Variants in ATP8A2 observed in about 807,000 individuals in gnomAD.
ATP8A2 encodes ATPase phospholipid transporting 8A2.
Under a neutral mutation model 165.6 loss-of-function variants are expected in ATP8A2, and 100 were observed. The ratio of observed to expected loss-of-function variants is 0.60; its 90% CI spans 0.51 to 0.71. ATP8A2 has a LOEUF of 0.71. ATP8A2 is among the 30% of genes least tolerant of loss of function. The probability of loss-of-function intolerance (pLI) is 0.00; values close to 1 mark genes in which losing one functional copy is unlikely to be tolerated. For missense variants in ATP8A2, 1,227 were observed against 1,479.5 expected (o/e 0.83, Z 2.80); for synonymous variants, 543 against 548.8 (o/e 0.99, Z 0.15).
At chr13:25,839,714 G>A in intron 30 of ATP8A2, 90 bp downstream of exon 30, 1 of 1,025,026 alleles carries the variant, frequency 9.8e-7, no homozygotes, top group Non-Finnish European at 1.5e-6. Flanking sequence ...CAGTTCTGCA[G>A]AACAAGAGAT....
At position 25,578,683 on chromosome 13, in the gene ATP8A2, A is replaced by G. The variant is rs112975122; in HGVS notation, c.1783-132A>G. On this transcript the variant is annotated intron_variant, in intron 20 of 36. Transcript: ENST00000381655. ...AAAGCTCATGCCTGAGCCCAGCCAAATGCTAAATTCCTACTTACCCACTCG... is the reference window on the plus strand; with the variant it reads ...AAAGCTCATGCCTGAGCCCAGCCAAGTGCTAAATTCCTACTTACCCACTCG... 2.3e-3 allele frequency: 1,572 copies of G among 692,658 alleles called. 22 individuals carry two copies. In the African/African-American group the frequency reaches 0.025, roughly 11 times the overall value. The allele number at this position is 692,658 out of a possible 1,614,324, so 42.9% of individuals were successfully genotyped here. A position where few individuals can be genotyped will look rare whatever the true frequency, so the allele number is the denominator to read the frequency against.
In ATP8A2 at chr13:25,558,966, G is replaced by C; in HGVS notation, c.1264-7G>C. On this transcript the variant is annotated splice_polypyrimidine_tract_variant and splice_region_variant and intron_variant, in intron 13 of 36. Transcript: ENST00000381655. ...CTGATGTATATTTCTTTTATTCTTT[G>C]GTTTAGGTGAAATATCTCTTTTCTG... 1 of 1,573,672 alleles carries C rather than the reference G, an allele frequency of 6.4e-7. No homozygotes were observed. The highest frequency in any genetic ancestry group is 8.7e-7 in the Non-Finnish European group (1 of 1,149,984).
At chr13:25,759,427 C>G (rs1460388930) in intron 25 of ATP8A2, among the ~76,000 whole-genome samples, 2 of 152,170 alleles carry the variant, frequency 1.3e-5, no homozygotes, top group Non-Finnish European at 2.9e-5. Flanking sequence ...TCTCAGCTTT[C>G]CTCTCAGTTC....
Position 26,023,271 on chromosome 13 carries a change from G to A in ATP8A2, c.*3286G>A, listed in dbSNP as rs1593732759. ...AAAAACATGGTAACTCTTTTGGTTC[G>A]GCACACCATACAAAACGTGCTTTGG... On this transcript the variant is annotated 3_prime_UTR_variant, in exon 37 of 37. Transcript: ENST00000381655. The A allele has an allele frequency of 6.6e-6, 1 of 152,104 alleles. No individual in the cohort carries two copies. Among genetic ancestry groups the A allele is most frequent in the South Asian group, 2.1e-4 (1 of 4,828 alleles). The allele number at this position is 152,104 out of a possible 1,614,324, so 9.4% of individuals were successfully genotyped here. A position where few individuals can be genotyped will look rare whatever the true frequency, so the allele number is the denominator to read the frequency against.
intron 33 of ATP8A2, among the ~76,000 whole-genome samples, chr13:25,889,245 CATAT>C (rs200723564): frequency 0.031 from 3,455 of 109,906 alleles, 105 homozygotes; most frequent in Non-Finnish European, 0.041. Context: ...CATCCTTTGT[CATAT>C]ATATATATAT....
chr13:25,962,624 T>C (rs1955683785), intron 34 of ATP8A2, among the ~76,000 whole-genome samples: 1 of 152,240 alleles, frequency 6.6e-6, no homozygotes, highest in Non-Finnish European at 1.5e-5. Flanking sequence ...AGGTGCCAAC[T>C]TCTCTGAAAA....
At chr13:25,825,713 A>G (rs1441680484) in intron 27 of ATP8A2, among the ~76,000 whole-genome samples, 1 of 152,046 alleles carries the variant, frequency 6.6e-6, no homozygotes, top group African/African-American at 2.4e-5. Flanking sequence ...GACTGCCAAG[A>G]CCTCCAGTGG....
At chr13:25,925,492 G>A (rs71425148) in intron 33 of ATP8A2, among the ~76,000 whole-genome samples, 6,327 of 55,638 alleles carry the variant, frequency 0.11, 210 homozygotes, top group Non-Finnish European at 0.17. Context: ...TTGAGATCGC[G>A]CCACTTACAC....
intron 1 of ATP8A2, among the ~76,000 whole-genome samples, chr13:25,449,988 C>G (rs2035168588): frequency 6.6e-6 from 1 of 152,200 alleles, no homozygotes; most frequent in East Asian, 1.9e-4. Flanking sequence ...CCACCCTCCA[C>G]CCTCCTAAAG....
chr13:25,929,961 GCT>G (rs916198356), intron 33 of ATP8A2, among the ~76,000 whole-genome samples: 1 of 152,164 alleles, frequency 6.6e-6, no homozygotes, highest in African/African-American at 2.4e-5. Flanking sequence ...AAATGACTGT[GCT>G]CTGTTGCTCC....
At chr13:25,808,774 T>A (rs1185976618) in intron 27 of ATP8A2, among the ~76,000 whole-genome samples, 1 of 152,074 alleles carries the variant, frequency 6.6e-6, no homozygotes, top group Non-Finnish European at 1.5e-5. Flanking sequence ...CTATTTAAAG[T>A]ATATTTCTAC....
intron 33 of ATP8A2, among the ~76,000 whole-genome samples, chr13:25,921,621 CAAAAA>C (rs11316144): frequency 1.7e-5 from 2 of 117,694 alleles, no homozygotes; most frequent in Non-Finnish European, 3.6e-5. Flanking sequence ...GACTCTGTCT[CAAAAA>C]AAAAAAAAAA....
At chr13:25,493,829 G>T (rs2036595047) in intron 2 of ATP8A2, among the ~76,000 whole-genome samples, 1 of 152,048 alleles carries the variant, frequency 6.6e-6, no homozygotes, top group Admixed American at 6.6e-5. Flanking sequence ...AGGGGAGGTG[G>T]CACAGGAGCC....
chr13:25,868,386 G>T (rs1012062598), intron 33 of ATP8A2, among the ~76,000 whole-genome samples: 1 of 152,164 alleles, frequency 6.6e-6, no homozygotes, highest in African/African-American at 2.4e-5. Context: ...TTAGAAACCC[G>T]TGGCATGGCT....
intron 34 of ATP8A2, among the ~76,000 whole-genome samples, chr13:25,966,721 T>C (rs1342727692): frequency 6.6e-6 from 1 of 152,232 alleles, no homozygotes; most frequent in Non-Finnish European, 1.5e-5. Context: ...CTCAGACCAT[T>C]GCCCTCTGAG....
intron 24 of ATP8A2, among the ~76,000 whole-genome samples, chr13:25,594,027 A>G (rs2040166268): frequency 6.6e-6 from 1 of 152,236 alleles, no homozygotes; most frequent in African/African-American, 2.4e-5. Flanking sequence ...TATTCACAAG[A>G]TTATTATAAT....
At chr13:25,896,469 G>A (rs1953550608) in intron 33 of ATP8A2, among the ~76,000 whole-genome samples, 1 of 152,044 alleles carries the variant, frequency 6.6e-6, no homozygotes, top group Non-Finnish European at 1.5e-5. Flanking sequence ...GGTCAATTTT[G>A]GAATAAGTGT....
At chr13:25,487,128 C>G (rs148759583) in intron 2 of ATP8A2, among the ~76,000 whole-genome samples, 139 of 152,266 alleles carry the variant, frequency 9.1e-4, no homozygotes, top group African/African-American at 3.2e-3. Flanking sequence ...TTTATGTTCT[C>G]CATAAAATTC....
intron 25 of ATP8A2, among the ~76,000 whole-genome samples, chr13:25,722,615 A>T (rs1182389722): frequency 6.6e-6 from 1 of 152,096 alleles, no homozygotes; most frequent in Non-Finnish European, 1.5e-5. Context: ...TACAGAATTT[A>T]TTATTAGTAA....
Sources: gnomAD v4.1 joint callset for allele counts (sites outside exome capture counted in the v4.1 genomes callset) on GRCh38, gnomAD v4.1.1 for gene constraint, MANE v1.5 for transcripts, NCBI Gene and HGNC (gene_info 2026-07-23, HGNC 2026-07-21) for gene names.